SEPTIN9: variants seen among roughly 807,000 people sequenced by gnomAD.
SEPTIN9 encodes septin 9, also known as septin-9.
In SEPTIN9, 13 loss-of-function variants were observed where a neutral mutation model predicts 56.6. That is an observed-to-expected ratio of 0.23 (90% CI 0.15 to 0.37). The LOEUF is 0.37. SEPTIN9 is among the 10% of genes least tolerant of loss of function. The pLI, the probability that SEPTIN9 is intolerant of heterozygous loss-of-function variation, is 1.00. For synonymous variants in SEPTIN9, 332 were observed against 334.1 expected (o/e 0.99, Z 0.07); for missense variants, 650 against 823.1 (o/e 0.79, Z 2.57).
At chr17:77,472,524 C>A (rs1568098537) in intron 3 of SEPTIN9, 1 of 152,248 alleles carries the variant, frequency 6.6e-6, no homozygotes, top group African/African-American at 2.4e-5. Flanking sequence ...GCTCTTCCAC[C>A]TTGTTAGTCA....
intron 3 of SEPTIN9, among the ~76,000 whole-genome samples, chr17:77,432,512 G>A (rs563489301): frequency 6.6e-6 from 1 of 152,244 alleles, no homozygotes; most frequent in African/African-American, 2.4e-5. Context: ...TGACCCAAGG[G>A]TTCCCTTTGC....
intron 2 of SEPTIN9, among the ~76,000 whole-genome samples, chr17:77,344,745 G>A (rs1282924204): frequency 2.0e-5 from 3 of 152,182 alleles, no homozygotes; most frequent in African/African-American, 7.2e-5. Context: ...GCCGAGGTGG[G>A]CAGATCACTT....
At chr17:77,418,172 G>T (rs1568053481) in intron 3 of SEPTIN9, among the ~76,000 whole-genome samples, 1 of 152,160 alleles carries the variant, frequency 6.6e-6, no homozygotes, top group Non-Finnish European at 1.5e-5. Flanking sequence ...TTGAGGCCTG[G>T]ACACAGGTGT....
Position 77,451,126 on chromosome 17 carries a change from A to C in SEPTIN9, c.722-31018A>C, listed in dbSNP as rs924668017. 5 of 155,856 alleles carry C rather than the reference A, an allele frequency of 3.2e-5. No individual in the cohort carries two copies. Among genetic ancestry groups the C allele is most frequent in the Non-Finnish European group, 5.6e-5 (4 of 71,348 alleles). 9.7% of individuals were successfully genotyped at this position (155,856 alleles called of 1,614,324 possible). On this transcript the variant is annotated intron_variant, in intron 3 of 11. Transcript: ENST00000427177. The surrounding 1 kb of genome is among the most constrained non-coding windows in gnomAD (Gnocchi z 4.2). ...GCACAGGGACAAGGGCAAGGACGGC[A>C]TGGCCAGAGGTCCCTGGGAGCCTCT...
intron 2 of SEPTIN9, among the ~76,000 whole-genome samples, chr17:77,316,280 C>A (rs2032703543): frequency 6.6e-6 from 1 of 152,180 alleles, no homozygotes; most frequent in Admixed American, 6.5e-5. Context: ...GCTGGCCTTA[C>A]CTCACCACCT....
intron 2 of SEPTIN9, among the ~76,000 whole-genome samples, chr17:77,320,881 A>ACGTGTGTGTG (rs1335744060): frequency 6.6e-6 from 1 of 152,184 alleles, no homozygotes; most frequent in Non-Finnish European, 1.5e-5. Context: ...GTGTGTGTGC[A>ACGTGTGTGTG]CGTGTGTGTG....
At chr17:77,411,390 T>C (rs1229555303) in intron 3 of SEPTIN9, among the ~76,000 whole-genome samples, 1 of 141,686 alleles carries the variant, frequency 7.1e-6, no homozygotes, top group Non-Finnish European at 1.5e-5. Flanking sequence ...CGTTCCTTTT[T>C]CTTTTTCTTT....
At chr17:77,328,789 G>T (rs2033241798) in intron 2 of SEPTIN9, among the ~76,000 whole-genome samples, 1 of 152,248 alleles carries the variant, frequency 6.6e-6, no homozygotes, top group South Asian at 2.1e-4. Flanking sequence ...GAACTGAGAG[G>T]CAGTCCACAA....
intron 2 of SEPTIN9, chr17:77,375,122 C>T (rs1333253470): frequency 6.7e-6 from 1 of 148,288 alleles, no homozygotes; most frequent in Non-Finnish European, 1.5e-5. Context: ...CCACTGTGTT[C>T]CGTTGAGCCT....
intron 11 of SEPTIN9, 64 bp downstream of exon 11, chr17:77,497,430 G>A: frequency 6.7e-7 from 1 of 1,492,430 alleles, no homozygotes; most frequent in Non-Finnish European, 9.3e-7. Flanking sequence ...TACAGCGGGT[G>A]GGGGCAGTGG....
intron 3 of SEPTIN9, among the ~76,000 whole-genome samples, chr17:77,440,288 G>A (rs1360852301): frequency 6.6e-6 from 1 of 152,004 alleles, no homozygotes; most frequent in African/African-American, 2.4e-5. Flanking sequence ...CTAAGTAGCT[G>A]GGATTATAGG....
intron 7 of SEPTIN9, among the ~76,000 whole-genome samples, chr17:77,489,197 A>G (rs185118247): frequency 1.6e-3 from 245 of 152,176 alleles, no homozygotes; most frequent in Non-Finnish European, 3.0e-3. Context: ...GCCCCCAGCC[A>G]AGCACCCGTA....
chr17:77,299,113 G>A (rs983539897), intron 1 of SEPTIN9, among the ~76,000 whole-genome samples: 1 of 152,166 alleles, frequency 6.6e-6, no homozygotes, highest in Non-Finnish European at 1.5e-5. Flanking sequence ...CTGAGGCTCA[G>A]GAGAAGGGCA....
intron 2 of SEPTIN9, among the ~76,000 whole-genome samples, chr17:77,308,513 C>T (rs1031750807): frequency 1.3e-5 from 2 of 152,264 alleles, no homozygotes; most frequent in Non-Finnish European, 2.9e-5. Flanking sequence ...GCTTAGCCGC[C>T]TGGGTCTATT....
intron 2 of SEPTIN9, chr17:77,373,604 C>T: frequency 6.5e-7 from 1 of 1,530,170 alleles, no homozygotes; most frequent in Admixed American, 2.0e-5. Context: ...GAGGACCCTG[C>T]GGGTGGGCCT....
chr17:77,499,191 C>T lies in SEPTIN9; in HGVS notation c.*533C>T, dbSNP rs774012962. ...GCCATCACTCAGCCCCTACCCCTGCCCTGCTCCTAAGGGTAGAAAACTCCA... is the reference window on the plus strand; with the variant it reads ...GCCATCACTCAGCCCCTACCCCTGCTCTGCTCCTAAGGGTAGAAAACTCCA... On this transcript the variant is annotated 3_prime_UTR_variant, in exon 12 of 12. Transcript: ENST00000427177. 5.5e-6 allele frequency: 3 copies of T among 547,278 alleles called. No homozygotes were observed. The highest frequency in any genetic ancestry group is 3.0e-5 in the South Asian group (2 of 66,018). The allele number at this position is 547,278 out of a possible 1,614,324, so 33.9% of individuals were successfully genotyped here.
intron 3 of SEPTIN9, among the ~76,000 whole-genome samples, chr17:77,416,518 G>A (rs962833318): frequency 3.3e-5 from 5 of 152,234 alleles, no homozygotes; most frequent in African/African-American, 1.2e-4. Context: ...GGCAGGGAGA[G>A]GGACGTCTGG....
chr17:77,458,072 C>A (rs2038295102), intron 3 of SEPTIN9, among the ~76,000 whole-genome samples: 1 of 151,908 alleles, frequency 6.6e-6, no homozygotes, highest in Non-Finnish European at 1.5e-5. Context: ...CAGGACAGTC[C>A]CCAGCGAGCC....
In SEPTIN9 at chr17:77,421,994, G is replaced by A. The variant is rs1201244794; in HGVS notation, c.721+19291G>A. ...CTACCAAGTAGCTGGGACTACAGGT[G>A]TGTGCCACCATGCCTGGTTAATTTT... On this transcript the variant is annotated intron_variant, in intron 3 of 11. Coordinates refer to ENST00000427177, the MANE Select transcript of SEPTIN9 (RefSeq NM_001113491.2). The surrounding 1 kb of genome is among the most constrained non-coding windows in gnomAD (Gnocchi z 4.6). 6.6e-6 allele frequency among the ~76,000 whole-genome samples: 1 copy of A among 151,480 alleles called. No individual in the cohort carries two copies. Among genetic ancestry groups the A allele is most frequent in the African/African-American group, 2.4e-5 (1 of 41,006 alleles).
Sources: gnomAD v4.1 joint callset for allele counts (sites outside exome capture counted in the v4.1 genomes callset) on GRCh38, gnomAD v4.1.1 for gene constraint, Gnocchi (gnomAD v3.1) non-coding constraint, MANE v1.5 for transcripts, NCBI Gene and HGNC (gene_info 2026-07-23, HGNC 2026-07-21) for gene names.